The following NBR1 variants were observed in gnomAD, a reference collection of about 807,000 sequenced individuals.
The protein encoded by NBR1 is NBR1 autophagy cargo receptor.
A neutral mutation model predicts 115.5 loss-of-function variants in NBR1; 59 were observed. The observed-to-expected ratio is 0.51, with a 90% CI of 0.41 to 0.63. The LOEUF is 0.63. Among genes scored for constraint, NBR1 ranks in the 30% least tolerant of loss-of-function variants. The probability of loss-of-function intolerance (pLI) is 0.00; values close to 1 mark genes in which losing one functional copy is unlikely to be tolerated. For synonymous variants in NBR1, 373 were observed against 414.7 expected (o/e 0.90, Z 1.22); for missense variants, 1,043 against 1,150.5 (o/e 0.91, Z 1.35).
chr17:43,179,812 G>C (rs2056617698), intron 4 of NBR1, among the ~76,000 whole-genome samples: 1 of 152,120 alleles, frequency 6.6e-6, no homozygotes, highest in Admixed American at 6.5e-5. Flanking sequence ...TTTCCCATAG[G>C]AACCATGTTA....
At chr17:43,181,391 G>C (rs1030042890) in intron 5 of NBR1, among the ~76,000 whole-genome samples, 1 of 152,166 alleles carries the variant, frequency 6.6e-6, no homozygotes, top group Non-Finnish European at 1.5e-5. Flanking sequence ...CAAATAACTG[G>C]CCAGGCGTGG....
chr17:43,192,385 G>A lies in NBR1; in HGVS notation c.1074-709G>A, dbSNP rs140712473. Among the ~76,000 whole-genome samples the A allele has an allele frequency of 1.3e-3, 190 of 149,194 alleles. 6 individuals are homozygous for A. The East Asian group carries it at 0.036, about 28-fold the overall frequency. On this transcript the variant is annotated intron_variant, in intron 10 of 20. Coordinates refer to ENST00000590996, the MANE Select transcript of NBR1 (RefSeq NM_005899.5). ...TTTTTGTTTGTTTTGTTTTTGAGAC[G>A]GAGTCTTGGAGTCTCGCCTGTTGCC...
Position 43,202,721 on chromosome 17 carries a change from C to A in NBR1, c.2621+9C>A, listed in dbSNP as rs746068781. 5.8e-6 allele frequency: 9 copies of A among 1,562,120 alleles called. No individual in the cohort carries two copies. Among genetic ancestry groups the A allele is most frequent in the Non-Finnish European group, 7.8e-6 (9 of 1,151,344 alleles). ...AGCTATGACCACTCAAGGTAACAAC[C>A]TTGTGCAGTCTCTTTTTTCAGAAGC... is the stretch of plus-strand genomic sequence containing the variant. On this transcript the variant is annotated intron_variant, in intron 19 of 20. Coordinates refer to ENST00000590996, the MANE Select transcript of NBR1 (RefSeq NM_005899.5).
chr17:43,209,745 T>G (rs1017097813), intron 20 of NBR1, 156 bp from the exon 21 acceptor site: 35 of 1,510,080 alleles, frequency 2.3e-5, no homozygotes, highest in Non-Finnish European at 3.1e-5. Context: ...TGGTATCAAG[T>G]ACACAGGAGT....
intron 17 of NBR1, among the ~76,000 whole-genome samples, chr17:43,201,339 C>A (rs1323460517): frequency 6.6e-6 from 1 of 152,214 alleles, no homozygotes; most frequent in Non-Finnish European, 1.5e-5. Flanking sequence ...TCTGGTGAAT[C>A]TATCTGAATC....
chr17:43,190,441 T>C, intron 8 of NBR1, 168 bp from the exon 9 acceptor site: 1 of 675,630 alleles, frequency 1.5e-6, no homozygotes, highest in Non-Finnish European at 2.6e-6. Flanking sequence ...TAAGTGTTAT[T>C]ATCCTCATTT....
intron 5 of NBR1, among the ~76,000 whole-genome samples, chr17:43,182,574 A>G (rs548461211): frequency 1.3e-5 from 2 of 150,868 alleles, no homozygotes; most frequent in East Asian, 3.9e-4. Context: ...GGCAGAGATG[A>G]CAGCCACTTT....
At chr17:43,199,383 T>A (rs77259033) in intron 16 of NBR1, among the ~76,000 whole-genome samples, 45,188 of 145,846 alleles carry the variant, frequency 0.31, 7,142 homozygotes, top group South Asian at 0.5. Context: ...CCTGGGTAGC[T>A]TTTTTTTTTT....
In NBR1 at chr17:43,186,406, G is replaced by T; in HGVS notation, c.364G>T (p.Gly122Ter). Residue 122 changes from glycine (G) to a stop codon, truncating the protein, a stop_gained, in exon 6 of 21, where the codon GGA becomes TGA. Coordinates refer to ENST00000590996, the MANE Select transcript of NBR1 (RefSeq NM_005899.5). LOFTEE classifies it high-confidence loss of function. ...AHYSSLVRVL[G>*]SDMKTPEDPA... ...TTACTCTTCACTGGTGAGAGTCTTG[G>T]GATCAGACATGAAGACCCCAGAGGA... 1 of 1,599,806 alleles carries T rather than the reference G, an allele frequency of 6.3e-7. No homozygotes were observed. The highest frequency in any genetic ancestry group is 1.1e-5 in the South Asian group (1 of 87,802).
chr17:43,200,019 G>A (rs2057159418), intron 16 of NBR1, 148 bp from the exon 17 acceptor site: 4 of 653,042 alleles, frequency 6.1e-6, no homozygotes, highest in African/African-American at 5.5e-5. Flanking sequence ...TATGGTCATA[G>A]TTCCAGAACC....
At position 43,200,346 on chromosome 17, in the gene NBR1, C is replaced by T. The variant is rs1598007935; in HGVS notation, c.2206C>T (p.Leu736=). ...TTCCTCAGAGGATTACATCATCATC[C>T]TGCCTGAGTGCTTTGATACCAGCCG... ...SASSEDYIII[L]PECFDTSRPL... The change falls in exon 17 of 21, where the codon CTG becomes TTG. Residue 736 remains leucine (L), a synonymous_variant. Transcript: ENST00000590996. 6.4e-7 allele frequency: 1 copy of T among 1,555,266 alleles called. No homozygotes were observed. Among genetic ancestry groups the T allele is most frequent in the East Asian group, 2.4e-5 (1 of 41,190 alleles).
Position 43,201,729 on chromosome 17 carries a change from T to A in NBR1, c.2512T>A (p.Leu838Ile). The change falls in exon 18 of 21, where the codon TTA becomes ATA. Residue 838 changes from leucine (L) to isoleucine (I), a missense_variant. By Grantham distance (5) the Leu-to-Ile change is conservative (BLOSUM62 2). Coordinates refer to ENST00000590996, the MANE Select transcript of NBR1 (RefSeq NM_005899.5). ...VHHHGSPGVD[L>I]PVTIPEVSSV... ...TCATCATGGTTCCCCAGGAGTGGATTTACCAGTTACCATACCAGAAGTTTC... is the reference window on the plus strand; with the variant it reads ...TCATCATGGTTCCCCAGGAGTGGATATACCAGTTACCATACCAGAAGTTTC... The A allele has an allele frequency of 6.2e-7, 1 of 1,609,486 alleles. No individual in the cohort carries two copies. Among genetic ancestry groups the A allele is most frequent in the Non-Finnish European group, 8.5e-7 (1 of 1,175,782 alleles).
rs149224948 is a variant in NBR1 at position 43,187,657 on chromosome 17, C to T, written c.402+1213C>T. ...CCGAGTAGCTGGGATTACAGGCACACACCACCACACCTGGCTAATTTTTTG... is the reference window on the plus strand; with the variant it reads ...CCGAGTAGCTGGGATTACAGGCACATACCACCACACCTGGCTAATTTTTTG... On this transcript the variant is annotated intron_variant, in intron 6 of 20. Transcript: ENST00000590996. 5.9e-3 allele frequency among the ~76,000 whole-genome samples: 890 copies of T among 151,078 alleles called. 4 individuals are homozygous for T. The highest frequency in any genetic ancestry group is 0.016 in the African/African-American group (639 of 41,208).
rs2056897391 is a variant in NBR1 at position 43,189,676 on chromosome 17, C to G, written c.569C>G (p.Ser190Cys). ...KLVLQNPSLG[S>C]CPSEVSMPTS... ...GTCCTCCAGAACCCATCCTTGGGTT[C>G]TTGTCCCTCAGAAGTCTCAATGCCT... Residue 190 changes from serine (S) to cysteine (C), a missense_variant, in exon 8 of 21, where the codon TCT becomes TGT. Coordinates refer to ENST00000590996, the MANE Select transcript of NBR1 (RefSeq NM_005899.5). 2.5e-6 allele frequency: 4 copies of G among 1,613,832 alleles called. No individual in the cohort carries two copies. Among genetic ancestry groups the G allele is most frequent in the African/African-American group, 1.3e-5 (1 of 74,900 alleles).
In NBR1 at chr17:43,189,789, C is replaced by T. The variant is rs762633797; in HGVS notation, c.682C>T (p.Arg228Cys). The change falls in exon 8 of 21, where the codon CGC becomes TGC. Residue 228 changes from arginine (R) to cysteine (C), a missense_variant. Coordinates refer to ENST00000590996, the MANE Select transcript of NBR1 (RefSeq NM_005899.5). ...CTGCCAAAGAAGGATTGTTGGTGTC[C>T]GCTACCAGTGTAGGTAAGCAGTTGC... is the stretch of plus-strand genomic sequence containing the variant. ...NNCQRRIVGV[R>C]YQCSLCPSYN... 26 of 1,613,618 alleles carry T rather than the reference C, an allele frequency of 1.6e-5. No homozygotes were observed. Among genetic ancestry groups the T allele is most frequent in the East Asian group, 8.9e-5 (4 of 44,880 alleles).
chr17:43,175,723 T>C (rs970118022), intron 1 of NBR1, 68 bp from the exon 2 acceptor site: 11 of 713,526 alleles, frequency 1.5e-5, no homozygotes, highest in Admixed American at 1.4e-4. Context: ...GAGTGAACTT[T>C]TAGTGCAACT....
rs1232563004 is a variant in NBR1 at position 43,210,555 on chromosome 17, G to A, written c.*481G>A. 2 of 398,244 alleles carry A rather than the reference G, an allele frequency of 5.0e-6. No individual in the cohort carries two copies. Among genetic ancestry groups the A allele is most frequent in the Non-Finnish European group, 8.8e-6 (2 of 226,024 alleles). The allele number at this position is 398,244 out of a possible 1,614,324, so 24.7% of individuals were successfully genotyped here. On this transcript the variant is annotated 3_prime_UTR_variant, in exon 21 of 21. Transcript: ENST00000590996. ...TCAAGCTTCATAGTTATTTGGCATT[G>A]AAATAACACCCAGAGCATGATAGAA...
chr17:43,184,745 G>T (rs1251414140), intron 5 of NBR1, among the ~76,000 whole-genome samples: 2 of 151,994 alleles, frequency 1.3e-5, no homozygotes, highest in Middle Eastern at 3.4e-3. Flanking sequence ...TGTTAGTCTA[G>T]AATTAACCTT....
intron 17 of NBR1, 22 bp downstream of exon 17, chr17:43,200,630 G>A (rs758358474): frequency 1.9e-6 from 3 of 1,567,788 alleles, no homozygotes; most frequent in Non-Finnish European, 2.6e-6. Flanking sequence ...AGCCCCCTCA[G>A]CTGGGGTGTT....
Sources: allele counts gnomAD v4.1 joint callset (sites outside exome capture counted in the v4.1 genomes callset), GRCh38; gene constraint gnomAD v4.1.1; transcripts MANE v1.5; gene names NCBI Gene and HGNC (gene_info 2026-07-23, HGNC 2026-07-21).